GALNT14: variants seen among roughly 807,000 people sequenced by gnomAD.
GALNT14 encodes polypeptide N-acetylgalactosaminyltransferase 14, also known as UDP-GalNAc:polypeptide N-acetylgalactosaminyltransferase 14.
Under a neutral mutation model 77.5 loss-of-function variants are expected in GALNT14, and 60 were observed. The observed-to-expected ratio is 0.77, with a 90% confidence interval of 0.63 to 0.96. The LOEUF is 0.96. Ranked by LOEUF, GALNT14 falls within the 40% of genes least tolerant of loss-of-function variation. GALNT14 has a pLI of 0.00. For missense variants in GALNT14, 710 were observed against 731.0 expected (o/e 0.97, Z 0.33); for synonymous variants, 280 against 281.7 (o/e 0.99, Z 0.06).
At chr2:31,019,501 C>T (rs1027516925) in intron 1 of GALNT14, among the ~76,000 whole-genome samples, 1 of 152,142 alleles carries the variant, frequency 6.6e-6, no homozygotes, top group Non-Finnish European at 1.5e-5. Flanking sequence ...CTGTGCTCTG[C>T]AGGGCCTCAG....
At chr2:30,925,379 A>G (rs1270678187) in intron 11 of GALNT14, among the ~76,000 whole-genome samples, 1 of 152,238 alleles carries the variant, frequency 6.6e-6, no homozygotes, top group African/African-American at 2.4e-5. Context: ...AGATAATGAA[A>G]TAAGCCATCA....
chr2:30,954,120 G>A (rs1044024293), intron 6 of GALNT14, among the ~76,000 whole-genome samples: 1 of 152,172 alleles, frequency 6.6e-6, no homozygotes, highest in African/African-American at 2.4e-5. Flanking sequence ...AGGCCCCACA[G>A]AGCAAGCGGG....
chr2:30,912,181 T>C (rs772281125), intron 14 of GALNT14, 42 bp downstream of exon 14: 16 of 1,610,156 alleles, frequency 9.9e-6, no homozygotes, highest in Non-Finnish European at 4.2e-6. Flanking sequence ...GGCAGTCACA[T>C]TACGGAGTTG....
At chr2:30,962,746 AG>A (rs1222459463) in intron 3 of GALNT14, among the ~76,000 whole-genome samples, 3 of 152,150 alleles carry the variant, frequency 2.0e-5, no homozygotes, top group Non-Finnish European at 4.4e-5. Context: ...GGGTCTGGGC[AG>A]GGGGGTTGCA....
chr2:31,054,958 G>T (rs1244722395), intron 1 of GALNT14, among the ~76,000 whole-genome samples: 1 of 152,222 alleles, frequency 6.6e-6, no homozygotes, highest in East Asian at 1.9e-4. Context: ...TGGGAGAGAA[G>T]AGACTGGGAA....
intron 1 of GALNT14, among the ~76,000 whole-genome samples, chr2:31,110,288 T>C (rs1677771369): frequency 6.6e-6 from 1 of 152,220 alleles, no homozygotes; most frequent in Non-Finnish European, 1.5e-5. Context: ...CTATTCACTA[T>C]TCTCTGGCTA....
chr2:31,051,695 C>G (rs149081060), intron 1 of GALNT14, among the ~76,000 whole-genome samples: 578 of 152,320 alleles, frequency 3.8e-3, no homozygotes, highest in Non-Finnish European at 6.3e-3. Context: ...GCCTGGAGAT[C>G]ATGGGCAGGG....
chr2:30,907,201 A>G (rs1048290571), downstream of GALNT14, among the ~76,000 whole-genome samples: 4 of 152,236 alleles, frequency 2.6e-5, no homozygotes, highest in African/African-American at 4.8e-5. Context: ...GCAAGAAATA[A>G]CTAAGATCGG....
At chr2:30,935,045 T>C (rs1665967673) in intron 9 of GALNT14, among the ~76,000 whole-genome samples, 1 of 152,202 alleles carries the variant, frequency 6.6e-6, no homozygotes, top group African/African-American at 2.4e-5. Context: ...AATTGAGTAT[T>C]GCAATTCTGC....
intron 2 of GALNT14, among the ~76,000 whole-genome samples, chr2:30,975,057 G>T (rs1668556956): frequency 6.6e-6 from 1 of 152,188 alleles, no homozygotes; most frequent in South Asian, 2.1e-4. Flanking sequence ...CAAAGAAATT[G>T]CCCAAACTGA....
At chr2:31,032,272 C>A (rs1012871263) in intron 1 of GALNT14, among the ~76,000 whole-genome samples, 15 of 152,180 alleles carry the variant, frequency 9.9e-5, no homozygotes, top group African/African-American at 3.4e-4. Context: ...GGTTGAGGAT[C>A]CACTCGCTCA....
At chr2:30,980,901 GCAAAA>G (rs1184023924) in intron 2 of GALNT14, among the ~76,000 whole-genome samples, 2 of 152,196 alleles carry the variant, frequency 1.3e-5, no homozygotes, top group Non-Finnish European at 2.9e-5. Flanking sequence ...GGCCAACATG[GCAAAA>G]CCCCGTCTCT....
In GALNT14 at chr2:30,955,657, G is replaced by A. The variant is rs776934740; in HGVS notation, c.615C>T (p.Asn205=). ...GCAACAGAGGCTGGAGCCAGTCCCT[G>A]TTCACCTCACAGTGGCTGTCGAGGA... ...LTFLDSHCEV[N]RDWLQPLLHR... The change falls in exon 6 of 15, where the codon AAC becomes AAT. Residue 205 remains asparagine (N), a synonymous_variant. Transcript: ENST00000349752. 12 of 1,614,086 alleles carry A rather than the reference G, an allele frequency of 7.4e-6. No individual in the cohort carries two copies. In the Admixed American group the frequency reaches 8.3e-5, roughly 11 times the overall value.
chr2:31,056,679 G>C (rs1220126613), intron 1 of GALNT14, among the ~76,000 whole-genome samples: 1 of 152,088 alleles, frequency 6.6e-6, no homozygotes, highest in African/African-American at 2.4e-5. Context: ...TATTATAAAG[G>C]ACACAAATTA....
chr2:31,120,521 G>A (rs927435764), intron 1 of GALNT14, among the ~76,000 whole-genome samples: 3 of 152,024 alleles, frequency 2.0e-5, no homozygotes, highest in Non-Finnish European at 2.9e-5. Context: ...TTTTTTCAAC[G>A]TATATATCTT....
intron 2 of GALNT14, among the ~76,000 whole-genome samples, chr2:30,986,744 G>A (rs933743528): frequency 7.2e-5 from 11 of 152,156 alleles, no homozygotes; most frequent in Non-Finnish European, 1.0e-4. Flanking sequence ...CAGTGAATTC[G>A]TTATTTAAAA....
chr2:31,028,125 C>CT (rs1397935152), intron 1 of GALNT14, among the ~76,000 whole-genome samples: 1 of 152,190 alleles, frequency 6.6e-6, no homozygotes, highest in Non-Finnish European at 1.5e-5. Flanking sequence ...CAGACATACA[C>CT]TTTTTCTCCT....
At chr2:30,919,488 G>C (rs1309173540) in intron 13 of GALNT14, among the ~76,000 whole-genome samples, 2 of 152,210 alleles carry the variant, frequency 1.3e-5, no homozygotes, top group Admixed American at 6.5e-5. Context: ...ACTGTGGGCA[G>C]CTAAAGCTGA....
At chr2:30,898,575 C>CACT in the GALNT14 span, among the ~76,000 whole-genome samples, 2 of 152,338 alleles carry the variant, frequency 1.3e-5, no homozygotes, top group Non-Finnish European at 2.9e-5. Flanking sequence ...TGCTCTTAGT[C>CACT]ACACAGCTGA....
Sources: allele counts gnomAD v4.1 joint callset (sites outside exome capture counted in the v4.1 genomes callset), GRCh38; gene constraint gnomAD v4.1.1; transcripts MANE v1.5; gene names NCBI Gene and HGNC (gene_info 2026-07-23, HGNC 2026-07-21).